The following TRMO variants were observed in gnomAD, a reference collection of about 807,000 sequenced individuals.
TRMO encodes the protein tRNA methyltransferase O.
Under a neutral mutation model 37.2 loss-of-function variants are expected in TRMO, and 30 were observed. That is an observed-to-expected ratio of 0.81 (90% CI 0.60 to 1.09). The LOEUF (loss-of-function observed/expected upper bound fraction) is 1.09, where lower values mean the gene tolerates loss of function less well. Among genes scored for constraint, TRMO ranks in the 50% least tolerant of loss-of-function variants. The pLI, the probability that TRMO is intolerant of heterozygous loss-of-function variation, is 0.00. For synonymous variants in TRMO, 239 were observed against 199.4 expected, an observed-to-expected ratio of 1.20 and a Z score of -1.67; for missense variants, 552 against 549.5, an observed-to-expected ratio of 1.00 and a Z score of -0.05.
chr9:97,904,698 C>T lies in TRMO; in HGVS notation c.*35G>A, dbSNP rs750731062. The stretch of plus-strand genomic sequence containing the variant: ...AAATCCAAAAGCCACATCCAAAGAT[C>T]AATGATGCTACCTTAAAGACATGAG... On this transcript the variant is annotated 3_prime_UTR_variant, in exon 5 of 5. Transcript: ENST00000375119. 10 of 1,602,908 alleles carry T rather than the reference C, an allele frequency of 6.2e-6. No homozygotes were observed. The East Asian group carries it at 1.8e-4, about 29-fold the overall frequency.
chr9:97,913,445 G>C lies in TRMO; in HGVS notation c.365C>G (p.Pro122Arg), dbSNP rs1826219226. The change falls in exon 3 of 5, where the codon CCC (proline) becomes CGC (arginine). Residue 122 changes from proline to arginine, a missense_variant. Coordinates refer to ENST00000375119, the MANE Select transcript of TRMO (RefSeq NM_016481.5). ...GGCCAGGGTCAGTCCTATTGCATTG[G>C]GACGATGAGGGCTCCTTGTGGAAAA... ...GVFSTRSPHR[P>R]NAIGLTLAKL... 6.2e-7 allele frequency: 1 copy of C among 1,613,766 alleles called. No individual in the cohort carries two copies. Among genetic ancestry groups the C allele is most frequent in the African/African-American group, 1.3e-5 (1 of 74,882 alleles).
In TRMO at chr9:97,916,343, A is replaced by G. The variant is rs78832559; in HGVS notation, c.77-5T>C. 1.2e-3 allele frequency: 1,874 copies of G among 1,593,638 alleles called. 24 individuals carry two copies. In the African/African-American group the frequency reaches 0.022, roughly 19 times the overall value. ...CTGGCTCAGTTAAAAGATTCCCTAC[A>G]GGAGAAAATTAGGTAAAAAGTTATT... is the stretch of plus-strand genomic sequence containing the variant. On this transcript the variant is annotated splice_region_variant and splice_polypyrimidine_tract_variant and intron_variant, in intron 1 of 4. Coordinates refer to ENST00000375119, the MANE Select transcript of TRMO (RefSeq NM_016481.5).
chr9:97,909,738 G>C (rs1388912706), intron 4 of TRMO, among the ~76,000 whole-genome samples: 7 of 152,180 alleles, frequency 4.6e-5, no homozygotes, highest in Non-Finnish European at 7.3e-5. Context: ...GCCACTCTCT[G>C]CCAATGCTTT....
At chr9:97,906,288 G>A (rs1444423370) in intron 4 of TRMO, among the ~76,000 whole-genome samples, 1 of 152,134 alleles carries the variant, frequency 6.6e-6, no homozygotes, top group Non-Finnish European at 1.5e-5. Context: ...GTTTCTGGGA[G>A]AGGCTCCAGG....
chr9:97,903,312 C>G (rs1356130542), downstream of TRMO, among the ~76,000 whole-genome samples: 1 of 152,016 alleles, frequency 6.6e-6, no homozygotes, highest in Non-Finnish European at 1.5e-5. Flanking sequence ...GATACCTCCC[C>G]AAGAAGTTCT....
Position 97,913,836 on chromosome 9 carries a change from T to C in TRMO, c.252-278A>G, listed in dbSNP as rs146162430. On this transcript the variant is annotated intron_variant, in intron 2 of 4. Transcript: ENST00000375119. ...TTTATCAAGTGCCCAACAAACAATATTTACTAAGTGTCTGCTGTTTGCCAG... is the reference window on the plus strand; with the variant it reads ...TTTATCAAGTGCCCAACAAACAATACTTACTAAGTGTCTGCTGTTTGCCAG... 8.4e-5 allele frequency: 28 copies of C among 331,704 alleles called. No individual in the cohort carries two copies. In the East Asian group the frequency reaches 1.7e-3, roughly 20 times the overall value. The allele number at this position is 331,704 out of a possible 1,614,324, so 20.5% of individuals were successfully genotyped here.
Position 97,922,466 on chromosome 9 carries a change from G to T in TRMO, c.28C>A (p.Arg10=). The T allele has an allele frequency of 6.3e-7, 1 of 1,587,242 alleles. No homozygotes were observed. The highest frequency in any genetic ancestry group is 1.3e-5 in the African/African-American group (1 of 74,758). ...CAGCCGCACGGGGTCGCTGTAGGCCGAGGCCCCGACTCCTCCAAGCCGCGC... is the reference window on the plus strand; with the variant it reads ...CAGCCGCACGGGGTCGCTGTAGGCCTAGGCCCCGACTCCTCCAAGCCGCGC... MRGLEESGP[R]PTATPCGCVK... Residue 10 remains arginine, a synonymous_variant, in exon 1 of 5, where the codon CGG becomes AGG. Transcript: ENST00000375119.
chr9:97,900,753 G>A (rs1160869880), downstream of TRMO: 10 of 980,170 alleles, frequency 1.0e-5, no homozygotes, highest in Non-Finnish European at 1.2e-5. Context: ...CATTTTTATT[G>A]AGTCTTCTCT....
intron 2 of TRMO, among the ~76,000 whole-genome samples, chr9:97,915,028 A>C (rs779557502): frequency 3.3e-5 from 5 of 152,204 alleles, no homozygotes; most frequent in Non-Finnish European, 7.3e-5. Context: ...CAGAACATAC[A>C]TTTTCTTTCT....
chr9:97,909,111 A>C (rs10760011), intron 4 of TRMO, among the ~76,000 whole-genome samples: 101,663 of 152,000 alleles, frequency 0.67, 36,290 homozygotes, highest in East Asian at 0.98. Context: ...CCTGCCACCA[A>C]AACTGGCTTT....
In TRMO at chr9:97,921,213, C is replaced by G. The variant is rs1178521921; in HGVS notation, c.76+1205G>C. Among the ~76,000 whole-genome samples the G allele has an allele frequency of 2.0e-5, 3 of 152,192 alleles. No individual in the cohort carries two copies. The East Asian group carries it at 5.8e-4, about 29-fold the overall frequency. On this transcript the variant is annotated intron_variant, in intron 1 of 4. Coordinates refer to ENST00000375119, the MANE Select transcript of TRMO (RefSeq NM_016481.5). ...TTAGAACAATGCAAACTGGCAATAA[C>G]TTAAATGCTCAGTAACAGGAAGCTG...
At chr9:97,917,492 T>A (rs971581555) in intron 1 of TRMO, among the ~76,000 whole-genome samples, 1 of 152,180 alleles carries the variant, frequency 6.6e-6, no homozygotes, top group Non-Finnish European at 1.5e-5. Context: ...AAAATTCATG[T>A]TGCATAGAAG....
chr9:97,910,295 A>G lies in TRMO; in HGVS notation c.731T>C (p.Phe244Ser). 6.2e-7 allele frequency: 1 copy of G among 1,614,216 alleles called. No individual in the cohort carries two copies. The highest frequency in any genetic ancestry group is 8.5e-7 in the Non-Finnish European group (1 of 1,180,046). ...CACTGCTATCTCCCTGTGCATAGGA[A>G]ATGCTTGCTGAATTCTGGCTGTGTC... ...HSDTARIQQAFPMHREIAVDF... is the reference protein window; with the variant it reads ...HSDTARIQQASPMHREIAVDF... The change falls in exon 4 of 5, where the codon TTT (phenylalanine) becomes TCT (serine). Residue 244 changes from phenylalanine to serine, a missense_variant. Phe to Ser is a radical substitution (Grantham distance 155). Coordinates refer to ENST00000375119, the MANE Select transcript of TRMO (RefSeq NM_016481.5).
chr9:97,911,648 T>C (rs527621075), intron 3 of TRMO: 9 of 152,336 alleles, frequency 5.9e-5, no homozygotes, highest in African/African-American at 2.2e-4. Flanking sequence ...CTGTGGTAAT[T>C]TGTTACACAA....
chr9:97,911,079 C>A (rs1435531432), intron 3 of TRMO: 6 of 356,152 alleles, frequency 1.7e-5, no homozygotes, highest in South Asian at 4.1e-5. Context: ...CTCTGTGGGA[C>A]CAATGAAGGT....
chr9:97,905,758 C>G (rs1825828211), intron 4 of TRMO, among the ~76,000 whole-genome samples: 1 of 152,134 alleles, frequency 6.6e-6, no homozygotes, highest in Admixed American at 6.5e-5. Flanking sequence ...CTTTATCCCT[C>G]TTGGAGTGGA....
downstream of TRMO, chr9:97,900,864 A>G (rs775190091): frequency 3.0e-5 from 8 of 263,152 alleles, no homozygotes; most frequent in Non-Finnish European, 4.1e-5. Flanking sequence ...TCACAAACAC[A>G]GAAACAAAGT....
chr9:97,910,324 G>C lies in TRMO; in HGVS notation c.702C>G (p.His234Gln). Reference sequence around the variant, plus strand: ...CTTGCTGAATTCTGGCTGTGTCACTGTGTGTCAGGTAGTTTTCTTCTGAAG... The same window carrying C: ...CTTGCTGAATTCTGGCTGTGTCACTCTGTGTCAGGTAGTTTTCTTCTGAAG... ...DRTSEENYLT[H>Q]SDTARIQQAF... Residue 234 changes from histidine (H) to glutamine (Q), a missense_variant, in exon 4 of 5, where the codon CAC (histidine) becomes CAG (glutamine). Coordinates refer to ENST00000375119, the MANE Select transcript of TRMO (RefSeq NM_016481.5). 6.2e-7 allele frequency: 1 copy of C among 1,614,202 alleles called. No individual in the cohort carries two copies. Among genetic ancestry groups the C allele is most frequent in the Non-Finnish European group, 8.5e-7 (1 of 1,180,034 alleles).
the TRMO span, among the ~76,000 whole-genome samples, chr9:97,897,152 T>C: frequency 6.6e-6 from 1 of 152,266 alleles, no homozygotes; most frequent in Non-Finnish European, 1.5e-5. Context: ...TTTTCTCACA[T>C]GGCTAAATAA....
Sources: allele counts gnomAD v4.1 joint callset (sites outside exome capture counted in the v4.1 genomes callset), GRCh38; gene constraint gnomAD v4.1.1; transcripts MANE v1.5; gene names NCBI Gene and HGNC (gene_info 2026-07-23, HGNC 2026-07-21).